PRKCH: variants seen among roughly 807,000 people sequenced by gnomAD.
The protein encoded by PRKCH is protein kinase C eta type.
In PRKCH, 28 loss-of-function variants were observed where a neutral mutation model predicts 82.5. The ratio of observed to expected loss-of-function variants is 0.34; its 90% CI spans 0.25 to 0.47. The LOEUF (loss-of-function observed/expected upper bound fraction) is 0.47, where lower values mean the gene tolerates loss of function less well. PRKCH is among the 20% of genes least tolerant of loss of function. The pLI is 1.00. For missense variants in PRKCH, 705 were observed against 881.8 expected, an observed-to-expected ratio of 0.80 and a Z score of 2.54; for synonymous variants, 322 against 327.4, an observed-to-expected ratio of 0.98 and a Z score of 0.18.
chr14:61,457,789 G>C (rs1033638403), intron 9 of PRKCH, 110 bp downstream of exon 9: 1 of 1,424,076 alleles, frequency 7.0e-7, no homozygotes, highest in Non-Finnish European at 9.6e-7. Flanking sequence ...TGGGGGATGG[G>C]CTCCCAAGGC....
intron 1 of PRKCH, among the ~76,000 whole-genome samples, chr14:61,343,377 G>GAAAAAAAAAAAAAAAAAAAAAAA (rs2045952690): frequency 2.0e-5 from 2 of 98,038 alleles, no homozygotes; most frequent in African/African-American, 3.4e-5. Flanking sequence ...AAAAAAAAAG[G>GAAAAAAAAAAAAAAAAAAAAAAA]AAAAACAGAC....
At chr14:61,222,283 T>C (rs2044662103) in intron 1 of PRKCH, among the ~76,000 whole-genome samples, 1 of 152,234 alleles carries the variant, frequency 6.6e-6, no homozygotes, top group Admixed American at 6.5e-5. Context: ...TCAAAATTAT[T>C]CTTGGTTGCT....
chr14:61,523,998 A>G (rs562698147), intron 10 of PRKCH, among the ~76,000 whole-genome samples: 2 of 152,152 alleles, frequency 1.3e-5, no homozygotes, highest in Non-Finnish European at 2.9e-5. Flanking sequence ...CATTCTCCCT[A>G]CTTTTGTCTG....
At chr14:61,464,603 C>G (rs1450113566) in intron 9 of PRKCH, among the ~76,000 whole-genome samples, 1 of 152,110 alleles carries the variant, frequency 6.6e-6, no homozygotes, top group Non-Finnish European at 1.5e-5. Flanking sequence ...TCCCTGTGTT[C>G]TCATTGTTCA....
chr14:61,206,878 A>G (rs1197672407), intron 1 of PRKCH, among the ~76,000 whole-genome samples: 3 of 152,004 alleles, frequency 2.0e-5, no homozygotes, highest in Admixed American at 2.0e-4. Context: ...AGGCCAAGGC[A>G]GATGGATCAC....
intron 1 of PRKCH, among the ~76,000 whole-genome samples, chr14:61,357,566 C>T (rs2046167363): frequency 6.6e-6 from 1 of 152,168 alleles, no homozygotes; most frequent in Non-Finnish European, 1.5e-5. Context: ...CCTTGGCTGT[C>T]AAATGTTCTC....
chr14:61,402,350 A>C (rs900437078), intron 2 of PRKCH, among the ~76,000 whole-genome samples: 1 of 152,110 alleles, frequency 6.6e-6, no homozygotes, highest in Non-Finnish European at 1.5e-5. Flanking sequence ...CGCCTTGTTT[A>C]CTTTTGTGTG....
chr14:61,247,755 AAAAG>A (rs1566793679), intron 1 of PRKCH, among the ~76,000 whole-genome samples: 1 of 149,342 alleles, frequency 6.7e-6, no homozygotes, highest in Non-Finnish European at 1.5e-5. Context: ...AAAAAAAAAA[AAAAG>A]AAAGAAAGAA....
intron 10 of PRKCH, among the ~76,000 whole-genome samples, chr14:61,509,155 G>A (rs1186187469): frequency 2.0e-5 from 3 of 152,184 alleles, no homozygotes; most frequent in African/African-American, 4.8e-5. Context: ...CAAGGTGCCA[G>A]AGTTTGCAGT....
intron 1 of PRKCH, among the ~76,000 whole-genome samples, chr14:61,243,474 G>A (rs2044857847): frequency 6.6e-6 from 1 of 151,768 alleles, no homozygotes; most frequent in African/African-American, 2.4e-5. Flanking sequence ...AGAATAACAT[G>A]TGCAAAGAGC....
intron 2 of PRKCH, among the ~76,000 whole-genome samples, chr14:61,414,839 G>A (rs767316855): frequency 3.9e-5 from 6 of 152,144 alleles, no homozygotes; most frequent in Non-Finnish European, 7.4e-5. Flanking sequence ...AATATGAAAT[G>A]TTGAATATAA....
In PRKCH at chr14:61,549,669, CT is replaced by C. The variant is rs141727640; in HGVS notation, c.1906-6del. The stretch of plus-strand genomic sequence containing the variant: ...GCGCAAAAATCTCACCCTTGTTTCC[CT>C]TTTTTTTTTGGCAGAAATCCCGAGA... On this transcript the variant is annotated splice_polypyrimidine_tract_variant and intron_variant, in intron 13 of 13. Transcript: ENST00000332981. 5,068 of 1,271,098 alleles carry C rather than the reference CT, an allele frequency of 4.0e-3. 2 individuals are homozygous for C. Among genetic ancestry groups the C allele is most frequent in the South Asian group, 0.01 (680 of 65,174 alleles). The allele number at this position is 1,271,098 out of a possible 1,614,324, so 78.7% of individuals were successfully genotyped here. A position where few individuals can be genotyped will look rare whatever the true frequency, so the allele number is the denominator to read the frequency against.
At chr14:61,383,172 C>T (rs1036063286) in intron 1 of PRKCH, among the ~76,000 whole-genome samples, 3 of 152,112 alleles carry the variant, frequency 2.0e-5, no homozygotes, top group African/African-American at 4.8e-5. Flanking sequence ...CATATGTCAC[C>T]GGTATTCCTT....
intron 1 of PRKCH, among the ~76,000 whole-genome samples, chr14:61,235,480 C>A (rs1045930343): frequency 6.6e-6 from 1 of 152,202 alleles, no homozygotes; most frequent in Non-Finnish European, 1.5e-5. Flanking sequence ...CCTACCAGCG[C>A]TTGAGCTGTG....
At chr14:61,323,211 ATTGACGTGTAGC>A (rs2045653622) in intron 1 of PRKCH, among the ~76,000 whole-genome samples, 1 of 152,090 alleles carries the variant, frequency 6.6e-6, no homozygotes, top group Non-Finnish European at 1.5e-5. Context: ...GTTCCTGGGT[ATTGACGTGTAGC>A]TACCCGCAGC....
At chr14:61,213,200 T>G (rs911500951) in intron 1 of PRKCH, among the ~76,000 whole-genome samples, 1 of 152,186 alleles carries the variant, frequency 6.6e-6, no homozygotes, top group Non-Finnish European at 1.5e-5. Flanking sequence ...TCTGCCCTTC[T>G]GAAACTCCCG....
At chr14:61,438,444 A>C (rs771918140) in intron 2 of PRKCH, among the ~76,000 whole-genome samples, 2 of 152,212 alleles carry the variant, frequency 1.3e-5, no homozygotes, top group Non-Finnish European at 2.9e-5. Context: ...ATTTGCTTAC[A>C]ATCATTTTAA....
chr14:61,287,034 C>T (rs190647479), intron 1 of PRKCH, among the ~76,000 whole-genome samples: 78 of 151,248 alleles, frequency 5.2e-4, no homozygotes, highest in Middle Eastern at 3.4e-3. Context: ...GGCGAAACCC[C>T]GTCACTACTA....
chr14:61,199,694 A>G (rs1383269999), intron 1 of PRKCH, among the ~76,000 whole-genome samples: 1 of 152,118 alleles, frequency 6.6e-6, no homozygotes, highest in Non-Finnish European at 1.5e-5. Flanking sequence ...GGGAACTGAC[A>G]CCATTCGCAT....
Sources: allele counts gnomAD v4.1 joint callset (sites outside exome capture counted in the v4.1 genomes callset), GRCh38; gene constraint gnomAD v4.1.1; transcripts MANE v1.5; gene names NCBI Gene and HGNC (gene_info 2026-07-23, HGNC 2026-07-21).